The following GAA variants were observed in gnomAD, a reference collection of about 807,000 sequenced individuals.
GAA encodes the protein alpha glucosidase.
A neutral mutation model predicts 103.9 loss-of-function variants in GAA; 88 were observed. That is an observed-to-expected ratio of 0.85 (90% CI 0.71 to 1.01). GAA has a LOEUF of 1.01. Among genes scored for constraint, GAA ranks in the 50% least tolerant of loss-of-function variants. The pLI, the probability that GAA is intolerant of heterozygous loss-of-function variation, is 0.00. For synonymous variants in GAA, 572 were observed against 563.1 expected (o/e 1.02, Z -0.22); for missense variants, 1,350 against 1,305.3 (o/e 1.03, Z -0.53).
At position 80,113,242 on chromosome 17, in the gene GAA, G is replaced by A. The variant is rs1800309; in HGVS notation, c.2065G>A (p.Glu689Lys). 72,894 of 1,601,260 alleles carry A rather than the reference G, an allele frequency of 0.046. 2,969 individuals are homozygous for A. The highest frequency in any genetic ancestry group is 0.26 in the East Asian group (11,292 of 44,272). Residue 689 changes from glutamate (E) to lysine (K), a missense_variant, in exon 15 of 20, where the codon GAG (glutamate) becomes AAG (lysine). By Grantham distance (56) the Glu-to-Lys change is moderately conservative. Transcript: ENST00000302262. ...SLPQEPYSFSEPAQQAMRKAL... is the reference protein window; with the variant it reads ...SLPQEPYSFSKPAQQAMRKAL... Reference sequence around the variant, plus strand: ...GCCCCAGGAGCCGTACAGCTTCAGCGAGCCGGCCCAGCAGGCCATGAGGAA... The same window carrying A: ...GCCCCAGGAGCCGTACAGCTTCAGCAAGCCGGCCCAGCAGGCCATGAGGAA...
chr17:80,103,510 C>A (rs183914223), intron 1 of GAA, among the ~76,000 whole-genome samples: 24 of 152,160 alleles, frequency 1.6e-4, no homozygotes, highest in Non-Finnish European at 3.1e-4. Flanking sequence ...ATGTGGGTTC[C>A]GGCTGCTCCT....
At chr17:80,115,205 A>G (rs2039333560) in intron 15 of GAA, among the ~76,000 whole-genome samples, 1 of 152,092 alleles carries the variant, frequency 6.6e-6, no homozygotes, top group African/African-American at 2.4e-5. Flanking sequence ...TCCGTTCCAC[A>G]CATTGGTATG....
In GAA at chr17:80,113,309, C is replaced by G. The variant is rs759292700; in HGVS notation, c.2132C>G (p.Thr711Arg). 58 of 1,599,714 alleles carry G rather than the reference C, an allele frequency of 3.6e-5. No homozygotes were observed. In the East Asian group the frequency reaches 1.2e-3, roughly 34 times the overall value. ...LRYALLPHLY[T>R]LFHQAHVAGE... ...TACGCACTCCTCCCCCACCTCTACA[C>G]ACTGTTCCACCAGGCCCACGTCGCG... The change falls in exon 15 of 20, where the codon ACA becomes AGA. Residue 711 changes from threonine (T) to arginine (R), a missense_variant. Coordinates refer to ENST00000302262, the MANE Select transcript of GAA (RefSeq NM_000152.5).
intron 15 of GAA, among the ~76,000 whole-genome samples, chr17:80,114,898 G>A (rs1375091183): frequency 2.0e-5 from 3 of 152,092 alleles, no homozygotes; most frequent in Non-Finnish European, 1.5e-5. Context: ...TGAAAGTTCT[G>A]CTCAACGTAG....
chr17:80,113,154 G>A lies in GAA; in HGVS notation c.2041-64G>A, dbSNP rs2304833. On this transcript the variant is annotated intron_variant, in intron 14 of 19. Coordinates refer to ENST00000302262, the MANE Select transcript of GAA (RefSeq NM_000152.5). The stretch of plus-strand genomic sequence containing the variant: ...CTGAGAAGTGCAGCTCTCCCGAGGC[G>A]GGGACTCCAGGGGACCGCGGCCCCA... 0.29 allele frequency: 450,664 copies of A among 1,539,592 alleles called. 67,702 individuals carry two copies. Among genetic ancestry groups the A allele is most frequent in the Middle Eastern group, 0.35 (2,008 of 5,758 alleles).
chr17:80,110,169 C>A, intron 9 of GAA, 114 bp downstream of exon 9: 1 of 815,174 alleles, frequency 1.2e-6, no homozygotes, highest in Admixed American at 2.2e-5. Context: ...CCCAGTGGGA[C>A]AGCTGAGAGG....
At position 80,119,352 on chromosome 17, in the gene GAA, T is replaced by G; in HGVS notation, c.*21T>G. ...GTTAGCCGGGCGGAGTGTGTTAGTC[T>G]CTCCAGAGGGAGGCTGGTTCCCCAG... On this transcript the variant is annotated 3_prime_UTR_variant, in exon 20 of 20. Coordinates refer to ENST00000302262, the MANE Select transcript of GAA (RefSeq NM_000152.5). 6.2e-7 allele frequency: 1 copy of G among 1,607,338 alleles called. No individual in the cohort carries two copies. Among genetic ancestry groups the G allele is most frequent in the Non-Finnish European group, 8.5e-7 (1 of 1,174,124 alleles).
At position 80,107,676 on chromosome 17, in the gene GAA, C is replaced by T. The variant is rs2039121357; in HGVS notation, c.812C>T (p.Thr271Ile). Residue 271 changes from threonine to isoleucine, a missense_variant, in exon 4 of 20, where the codon ACC (threonine) becomes ATC (isoleucine). By Grantham distance (89) the Thr-to-Ile change is moderately conservative (BLOSUM62 -1). Coordinates refer to ENST00000302262, the MANE Select transcript of GAA (RefSeq NM_000152.5). Reference protein sequence around the residue: ...AEHLSPLMLSTSWTRITLWNR... With the variant: ...AEHLSPLMLSISWTRITLWNR... The stretch of plus-strand genomic sequence containing the variant: ...CACCTCAGTCCCCTGATGCTCAGCA[C>T]CAGCTGGACCAGGATCACCCTGTGG... The T allele has an allele frequency of 1.2e-6, 2 of 1,613,006 alleles. No homozygotes were observed. Among genetic ancestry groups the T allele is most frequent in the Admixed American group, 1.7e-5 (1 of 60,024 alleles).
Position 80,112,924 on chromosome 17 carries a change from T to A in GAA, c.1937T>A (p.Val646Asp). 1 of 1,610,758 alleles carries A rather than the reference T, an allele frequency of 6.2e-7. No homozygotes were observed. The highest frequency in any genetic ancestry group is 8.5e-7 in the Non-Finnish European group (1 of 1,179,016). The change falls in exon 14 of 20, where the codon GTC (valine) becomes GAC (aspartate). Residue 646 changes from valine (V) to aspartate (D), a missense_variant. Physicochemically the swap from Val to Asp is radical, Grantham distance 152 (BLOSUM62 -3). Transcript: ENST00000302262. The stretch of plus-strand genomic sequence containing the variant: ...GGGGTGCCTCTGGTCGGGGCCGACG[T>A]CTGCGGCTTCCTGGGCAACACCTCA... ...LLGVPLVGAD[V>D]CGFLGNTSEE...
At position 80,117,107 on chromosome 17, in the gene GAA, A is replaced by T; in HGVS notation, c.2329A>T (p.Thr777Ser). The T allele has an allele frequency of 6.2e-7, 1 of 1,612,590 alleles. No homozygotes were observed. Among genetic ancestry groups the T allele is most frequent in the Non-Finnish European group, 8.5e-7 (1 of 1,179,988 alleles). The change falls in exon 16 of 20, where the codon ACG (threonine) becomes TCG (serine). Residue 777 changes from threonine (T) to serine (S), a missense_variant and splice_region_variant. Physicochemically the swap from Thr to Ser is moderately conservative, Grantham distance 58. Coordinates refer to ENST00000302262, the MANE Select transcript of GAA (RefSeq NM_000152.5). Reference protein sequence around the residue: ...FPLGTWYDLQTVPVEALGSLP... With the variant: ...FPLGTWYDLQSVPVEALGSLP... ...CTTGGGCACATGGTACGACCTGCAG[A>T]CGGTGAGTCTGGGGACCCTAAGCCC...
Position 80,104,704 on chromosome 17 carries a change from C to G in GAA, c.118C>G (p.Arg40Gly), listed in dbSNP as rs767409395. Residue 40 changes from arginine (R) to glycine (G), a missense_variant, in exon 2 of 20, where the codon CGA becomes GGA. Arg to Gly is a moderately radical substitution (Grantham distance 125, BLOSUM62 -2). Coordinates refer to ENST00000302262, the MANE Select transcript of GAA (RefSeq NM_000152.5). The surrounding 1 kb of genome is among the most constrained non-coding windows in gnomAD (Gnocchi z 4.0). ...ILLHDFLLVP[R>G]ELSGSSPVLE... Reference sequence around the variant, plus strand: ...ACTCCATGATTTCCTGCTGGTTCCCCGAGAGCTGAGTGGCTCCTCCCCAGT... The same window carrying G: ...ACTCCATGATTTCCTGCTGGTTCCCGGAGAGCTGAGTGGCTCCTCCCCAGT... The G allele has an allele frequency of 6.2e-7, 1 of 1,613,036 alleles. No homozygotes were observed. The highest frequency in any genetic ancestry group is 8.5e-7 in the Non-Finnish European group (1 of 1,179,866).
intron 15 of GAA, among the ~76,000 whole-genome samples, chr17:80,114,664 G>A (rs769538123): frequency 2.6e-5 from 4 of 152,042 alleles, no homozygotes; most frequent in Non-Finnish European, 5.9e-5. Flanking sequence ...GGAAAAATGG[G>A]TTACAAACAA....
Position 80,110,020 on chromosome 17 carries a change from A to G in GAA, c.1402A>G (p.Ile468Val). 2 of 1,613,216 alleles carry G rather than the reference A, an allele frequency of 1.2e-6. No individual in the cohort carries two copies. Among genetic ancestry groups the G allele is most frequent in the Non-Finnish European group, 1.7e-6 (2 of 1,179,914 alleles). ...YDEGLRRGVF[I>V]TNETGQPLIG... ...CGAGGGTCTGCGGAGGGGGGTTTTCATCACCAACGAGACCGGCCAGCCGCT... is the reference window on the plus strand; with the variant it reads ...CGAGGGTCTGCGGAGGGGGGTTTTCGTCACCAACGAGACCGGCCAGCCGCT... The change falls in exon 9 of 20, where the codon ATC (isoleucine) becomes GTC (valine). Residue 468 changes from isoleucine to valine, a missense_variant. By Grantham distance (29) the Ile-to-Val change is conservative. Transcript: ENST00000302262.
chr17:80,118,725 C>T lies in GAA; in HGVS notation c.2719C>T (p.Leu907=), dbSNP rs756277625. Residue 907 remains leucine, a synonymous_variant, in exon 19 of 20, where the codon CTG becomes TTG. Transcript: ENST00000302262. The part of the protein sequence containing the change: ...AGLQLQKVTV[L]GVATAPQQVL... ...CCTGCAGCTGCAGAAGGTGACTGTC[C>T]TGGGCGTGGCCACGGCGCCCCAGCA... is the stretch of plus-strand genomic sequence containing the variant. The T allele has an allele frequency of 6.2e-7, 1 of 1,613,396 alleles. No individual in the cohort carries two copies. Among genetic ancestry groups the T allele is most frequent in the South Asian group, 1.1e-5 (1 of 91,078 alleles).
chr17:80,112,732 G>A lies in GAA; in HGVS notation c.1888+21G>A, dbSNP rs2304837. Reference sequence around the variant, plus strand: ...GCCAGGTGAGCTCCTACCAGGAGGGGCTGCTCAGCAGAGTAGAGCCGGGGG... The same window carrying A: ...GCCAGGTGAGCTCCTACCAGGAGGGACTGCTCAGCAGAGTAGAGCCGGGGG... On this transcript the variant is annotated intron_variant, in intron 13 of 19. Transcript: ENST00000302262. 0.046 allele frequency: 72,968 copies of A among 1,598,582 alleles called. 2,973 individuals are homozygous for A. Among genetic ancestry groups the A allele is most frequent in the East Asian group, 0.26 (11,289 of 44,172 alleles).
At chr17:80,112,838 G>A in intron 13 of GAA, 38 bp from the exon 14 acceptor site, 2 of 1,595,730 alleles carry the variant, frequency 1.3e-6, no homozygotes, top group Non-Finnish European at 8.5e-7. Flanking sequence ...TGGCTCTGCT[G>A]CAGCAGCCTG....
chr17:80,102,178 T>G (rs1274663856), intron 1 of GAA: 1 of 147,974 alleles, frequency 6.8e-6, no homozygotes, highest in Non-Finnish European at 1.5e-5. Flanking sequence ...CTCCTGCTCC[T>G]GCAGGACGCA....
chr17:80,119,779 C>A lies in GAA; in HGVS notation c.*448C>A, dbSNP rs114829614. 1.6e-4 allele frequency: 33 copies of A among 208,500 alleles called. 1 individual carries two copies. The highest frequency in any genetic ancestry group is 6.0e-4 in the African/African-American group (26 of 43,614). 12.9% of individuals were successfully genotyped at this position (208,500 alleles called of 1,614,324 possible). A position where few individuals can be genotyped will look rare whatever the true frequency, so the allele number is the denominator to read the frequency against. On this transcript the variant is annotated 3_prime_UTR_variant, in exon 20 of 20. Transcript: ENST00000302262. ...GGCTGCCCAGAGGGCTGGATGCCTG[C>A]CGGTCCCCGAGCAAGCCTGGGAACT...
At chr17:80,105,686 C>G (rs561321104) in intron 2 of GAA, 63 bp from the exon 3 acceptor site, 1 of 1,589,186 alleles carries the variant, frequency 6.3e-7, no homozygotes, top group Non-Finnish European at 8.6e-7. Context: ...CCTTGGCGTG[C>G]GGGTTGTTCT....
Sources: gnomAD v4.1 joint callset for allele counts (sites outside exome capture counted in the v4.1 genomes callset) on GRCh38, gnomAD v4.1.1 for gene constraint, Gnocchi (gnomAD v3.1) non-coding constraint, MANE v1.5 for transcripts, NCBI Gene and HGNC (gene_info 2026-07-23, HGNC 2026-07-21) for gene names.